EAPP: variants seen among roughly 807,000 people sequenced by gnomAD.
The protein encoded by EAPP is E2F-associated phosphoprotein.
A neutral mutation model predicts 34.3 loss-of-function variants in EAPP; 38 were observed. The observed-to-expected ratio is 1.11, with a 90% CI of 0.85 to 1.45. EAPP has a LOEUF of 1.45. EAPP is among the 40% of genes most tolerant of loss of function. The pLI is 0.00. For synonymous variants in EAPP, 113 were observed against 117.6 expected, an observed-to-expected ratio of 0.96 and a Z score of 0.25; for missense variants, 338 against 343.7, an observed-to-expected ratio of 0.98 and a Z score of 0.13.
At chr14:34,522,358 T>C (rs1879946015) in intron 5 of EAPP, among the ~76,000 whole-genome samples, 1 of 152,212 alleles carries the variant, frequency 6.6e-6, no homozygotes, top group African/African-American at 2.4e-5. Flanking sequence ...AACTGCTATT[T>C]TGAATTCTTG....
chr14:34,519,204 A>C (rs1879833395), intron 5 of EAPP, among the ~76,000 whole-genome samples: 1 of 152,088 alleles, frequency 6.6e-6, no homozygotes, highest in South Asian at 2.1e-4. Flanking sequence ...CTGGCCATGT[A>C]AGATGTGCCT....
chr14:34,524,631 C>A, intron 5 of EAPP, 66 bp downstream of exon 5: 2 of 1,164,108 alleles, frequency 1.7e-6, no homozygotes, highest in Non-Finnish European at 2.5e-6. Context: ...AAAAAAAAGT[C>A]TGTTTCTAAT....
chr14:34,519,587 C>T (rs1879846241), intron 5 of EAPP, among the ~76,000 whole-genome samples: 1 of 151,964 alleles, frequency 6.6e-6, no homozygotes. Context: ...CCTATACAGC[C>T]TGTGGAATTA....
chr14:34,536,637 T>C (rs1880487378), intron 1 of EAPP, among the ~76,000 whole-genome samples: 1 of 151,912 alleles, frequency 6.6e-6, no homozygotes, highest in African/African-American at 2.4e-5. Context: ...GCTGTTTTTT[T>C]GTTTTGTTTT....
intron 1 of EAPP, among the ~76,000 whole-genome samples, chr14:34,537,258 GC>G (rs1880509391): frequency 1.3e-5 from 2 of 152,176 alleles, no homozygotes; most frequent in Non-Finnish European, 2.9e-5. Flanking sequence ...TGATTCTCCT[GC>G]CTTGGCCTTC....
rs544632271 is a variant in EAPP, at chr14:34,532,033, G to A, written c.352+1411C>T. 7.5e-4 allele frequency among the ~76,000 whole-genome samples: 112 copies of A among 148,666 alleles called. 2 individuals are homozygous for A. Among genetic ancestry groups the A allele is most frequent in the African/African-American group, 2.5e-3 (99 of 40,242 alleles). ...AGAGCTTGCAGTGAGCTGAGATTGC[G>A]CCACTGCACTCCAGCCTGGGTGACA... On this transcript the variant is annotated intron_variant, in intron 3 of 5. Transcript: ENST00000250454.
intron 1 of EAPP, among the ~76,000 whole-genome samples, chr14:34,536,816 C>T (rs1400775860): frequency 6.6e-6 from 1 of 151,978 alleles, no homozygotes; most frequent in Non-Finnish European, 1.5e-5. Context: ...TGGGCTCAAG[C>T]GATTCTCCTG....
In EAPP at chr14:34,516,583, A is replaced by G. The variant is rs1320075933; in HGVS notation, c.585T>C (p.His195=). The part of the protein sequence containing the change: ...MTTLCLDCQR[H]ESYKTQYRAM... ...CTCTATATTGAGTTTTGTATGATTC[A>G]TGCCTAAGAGAAAAATGAAATGGAG... The change falls in exon 6 of 6, where the codon CAT becomes CAC. Residue 195 remains histidine, a synonymous_variant. Coordinates refer to ENST00000250454, the MANE Select transcript of EAPP (RefSeq NM_018453.4). The G allele has an allele frequency of 6.2e-7, 1 of 1,602,076 alleles. No individual in the cohort carries two copies. The highest frequency in any genetic ancestry group is 1.1e-5 in the South Asian group (1 of 88,752).
intron 1 of EAPP, among the ~76,000 whole-genome samples, chr14:34,538,184 C>T (rs1880538215): frequency 2.0e-5 from 3 of 152,188 alleles, no homozygotes; most frequent in South Asian, 4.1e-4. Flanking sequence ...TCAAGACCAG[C>T]CTGGCCAACG....
intron 5 of EAPP, among the ~76,000 whole-genome samples, chr14:34,519,975 C>G (rs1159923180): frequency 6.6e-6 from 1 of 151,350 alleles, no homozygotes; most frequent in Admixed American, 6.6e-5. Context: ...ACCTCCACCT[C>G]CCTGGTTCAA....
intron 4 of EAPP, among the ~76,000 whole-genome samples, chr14:34,525,281 C>T (rs1880058522): frequency 6.6e-6 from 1 of 152,174 alleles, no homozygotes; most frequent in Non-Finnish European, 1.5e-5. Context: ...CAGTGACTTC[C>T]TTCCAAAGAG....
chr14:34,537,636 T>C (rs1379359805), intron 1 of EAPP, among the ~76,000 whole-genome samples: 1 of 152,202 alleles, frequency 6.6e-6, no homozygotes. Context: ...AGCAGATGTA[T>C]TTACTGTCTT....
intron 3 of EAPP, among the ~76,000 whole-genome samples, chr14:34,530,160 A>G (rs543896568): frequency 1.2e-3 from 183 of 152,150 alleles, no homozygotes; most frequent in Non-Finnish European, 1.8e-3. Flanking sequence ...AGATCACGCC[A>G]TTGCACTCCA....
chr14:34,532,087 A>AAAAG (rs758007888), intron 3 of EAPP, among the ~76,000 whole-genome samples: 216 of 151,748 alleles, frequency 1.4e-3, no homozygotes, highest in Middle Eastern at 3.4e-3. Context: ...AAAAAAAAAA[A>AAAAG]AAAGAAAGAA....
chr14:34,536,999 T>TC (rs1856005166), intron 1 of EAPP, among the ~76,000 whole-genome samples: 1 of 152,016 alleles, frequency 6.6e-6, no homozygotes, highest in Non-Finnish European at 1.5e-5. Context: ...CTGTATTATT[T>TC]CTTTTTTTTT....
At chr14:34,520,166 C>A (rs574004127) in intron 5 of EAPP, among the ~76,000 whole-genome samples, 39 of 151,644 alleles carry the variant, frequency 2.6e-4, no homozygotes, top group Non-Finnish European at 2.5e-4. Context: ...GGATTACAGG[C>A]ATGAGCCACC....
intron 2 of EAPP, among the ~76,000 whole-genome samples, chr14:34,534,016 C>G (rs1880382159): frequency 6.6e-6 from 1 of 152,072 alleles, no homozygotes. Flanking sequence ...TGCCCATATC[C>G]CTAATTCCTC....
intron 5 of EAPP, among the ~76,000 whole-genome samples, chr14:34,520,201 CTCTCTT>C (rs1479555457): frequency 6.7e-6 from 1 of 149,048 alleles, no homozygotes; most frequent in African/African-American, 2.5e-5. Flanking sequence ...TCTTTCTTTT[CTCTCTT>C]TATTTTTTTC....
intron 5 of EAPP, among the ~76,000 whole-genome samples, chr14:34,517,660 T>G (rs1366459974): frequency 6.6e-6 from 1 of 152,150 alleles, no homozygotes; most frequent in Non-Finnish European, 1.5e-5. Flanking sequence ...TCTTTTAAAA[T>G]TATCAACTTT....
Sources: gnomAD v4.1 joint callset for allele counts (sites outside exome capture counted in the v4.1 genomes callset) on GRCh38, gnomAD v4.1.1 for gene constraint, MANE v1.5 for transcripts, NCBI Gene and HGNC (gene_info 2026-07-23, HGNC 2026-07-21) for gene names.